Variants in CSNK2A3 observed in about 807,000 individuals in gnomAD.
CSNK2A3 encodes casein kinase 2 alpha 3, also known as casein kinase II subunit alpha 3.
In CSNK2A3, 31 loss-of-function variants were observed where a neutral mutation model predicts 36.5. That is an observed-to-expected ratio of 0.85 (90% CI 0.64 to 1.15). CSNK2A3 has a LOEUF of 1.15. CSNK2A3 is among the 50% of genes most tolerant of loss of function. The pLI, the probability that CSNK2A3 is intolerant of heterozygous loss-of-function variation, is 0.00. For missense variants in CSNK2A3, 443 were observed against 487.2 expected (o/e 0.91, Z 0.85); for synonymous variants, 152 against 176.3 (o/e 0.86, Z 1.09).
In CSNK2A3 at chr11:11,352,421, G is replaced by C. The variant is rs767821892; in HGVS notation, c.699C>G (p.Phe233Leu). 1 of 1,613,896 alleles carries C rather than the reference G, an allele frequency of 6.2e-7. No homozygotes were observed. ...ASMIFRKEPFFHGRDNYDQLV... is the reference protein window; with the variant it reads ...ASMIFRKEPFLHGRDNYDQLV... ...ACTGATCATAATTGTCACGTCCATG[G>C]AAAAATGGCTCCTTCCGAAAGATCA... The change falls in exon 1 of 1, where the codon TTC becomes TTG. Residue 233 changes from phenylalanine (F) to leucine (L), a missense_variant. Physicochemically the swap from Phe to Leu is conservative, Grantham distance 22. Coordinates refer to ENST00000528848, the MANE Select transcript of CSNK2A3 (RefSeq NM_001256686.2).
chr11:11,352,943 G>T lies in CSNK2A3; in HGVS notation c.177C>A (p.Ile59=). Reference sequence around the variant, plus strand: ...TAACAACAACTTTTTCATTATTTGTGATGTTGATGGCTTCAAATACTTCAC... The same window carrying T: ...TAACAACAACTTTTTCATTATTTGTTATGTTGATGGCTTCAAATACTTCAC... ...KYSEVFEAIN[I]TNNEKVVVKI... The change falls in exon 1 of 1, where the codon ATC becomes ATA. Residue 59 remains isoleucine, a synonymous_variant. Transcript: ENST00000528848. The T allele has an allele frequency of 6.2e-7, 1 of 1,614,042 alleles. No homozygotes were observed. Among genetic ancestry groups the T allele is most frequent in the Non-Finnish European group, 8.5e-7 (1 of 1,180,022 alleles).
Position 11,352,885 on chromosome 11 carries a change from T to C in CSNK2A3, c.235A>G (p.Lys79Glu). 6.2e-7 allele frequency: 1 copy of C among 1,614,188 alleles called. No homozygotes were observed. The highest frequency in any genetic ancestry group is 8.5e-7 in the Non-Finnish European group (1 of 1,180,028). The change falls in exon 1 of 1, where the codon AAG becomes GAG. Residue 79 changes from lysine (K) to glutamate (E), a missense_variant. Transcript: ENST00000528848. The part of the protein sequence containing the change: ...ILKPVKKKKI[K>E]REIKILENLR... ...TTCTCCAAAATCTTTATTTCACGCT[T>C]AATTTTCTTCTTTTTTACTGGCTTG...
Position 11,353,204 on chromosome 11 carries a change from C to A in CSNK2A3, c.-85G>T, listed in dbSNP as rs1337897662. On this transcript the variant is annotated 5_prime_UTR_variant, in exon 1 of 1. In the 5' UTR this introduces an upstream ATG that the reference lacks. Coordinates refer to ENST00000528848, the MANE Select transcript of CSNK2A3 (RefSeq NM_001256686.2). ...TTCAGAAGCAGCTTGGGGGTAAGAC[C>A]TTGTTTCAGACCTGTTTTCTTCACA... 13 of 1,544,646 alleles carry A rather than the reference C, an allele frequency of 8.4e-6. No individual in the cohort carries two copies. The South Asian group carries it at 1.5e-4, about 18-fold the overall frequency.
In CSNK2A3 at chr11:11,352,980, C is replaced by G. The variant is rs777486408; in HGVS notation, c.140G>C (p.Arg47Pro). The change falls in exon 1 of 1, where the codon CGA (arginine) becomes CCA (proline). Residue 47 changes from arginine to proline, a missense_variant. Transcript: ENST00000528848. ...TTCAAATACTTCACTGTATTTACCT[C>G]GGCCTAATTTTCGAACCAGCTGGTA... is the stretch of plus-strand genomic sequence containing the variant. The part of the protein sequence containing the change: ...DDYQLVRKLG[R>P]GKYSEVFEAI... 4.3e-6 allele frequency: 7 copies of G among 1,614,164 alleles called. No homozygotes were observed. In the South Asian group the frequency reaches 7.7e-5, roughly 18 times the overall value.
rs1850417292 is a variant in CSNK2A3 at position 11,352,027 on chromosome 11, C to T, written c.1093G>A (p.Gly365Arg). Residue 365 changes from glycine (G) to arginine (R), a missense_variant, in exon 1 of 1, where the codon GGA becomes AGA. By Grantham distance (125) the Gly-to-Arg change is moderately radical (BLOSUM62 -2). Transcript: ENST00000528848. Reference protein sequence around the residue: ...ISSVPTPSPLGPLAGSPVIAA... With the variant: ...ISSVPTPSPLRPLAGSPVIAA... ...ATCACTGGTGAGCCTGCCAGAGGTC[C>T]AAGGGGTGAAGGAGTTGGCACTGAA... 1 of 1,613,612 alleles carries T rather than the reference C, an allele frequency of 6.2e-7. No homozygotes were observed.
In CSNK2A3 at chr11:11,353,204, C is replaced by T; in HGVS notation, c.-85G>A. 1 of 1,544,648 alleles carries T rather than the reference C, an allele frequency of 6.5e-7. No homozygotes were observed. The highest frequency in any genetic ancestry group is 1.4e-5 in the African/African-American group (1 of 73,666). ...TTCAGAAGCAGCTTGGGGGTAAGAC[C>T]TTGTTTCAGACCTGTTTTCTTCACA... On this transcript the variant is annotated 5_prime_UTR_variant, in exon 1 of 1. Transcript: ENST00000528848.
chr11:11,353,195 G>A lies in CSNK2A3; in HGVS notation c.-76C>T, dbSNP rs1240100291. On this transcript the variant is annotated 5_prime_UTR_variant, in exon 1 of 1. Transcript: ENST00000528848. The stretch of plus-strand genomic sequence containing the variant: ...GTCACTGTGTTCAGAAGCAGCTTGG[G>A]GGTAAGACCTTGTTTCAGACCTGTT... 3 of 1,582,178 alleles carry A rather than the reference G, an allele frequency of 1.9e-6. No homozygotes were observed. Among genetic ancestry groups the A allele is most frequent in the Non-Finnish European group, 2.6e-6 (3 of 1,154,074 alleles).
At position 11,353,154 on chromosome 11, in the gene CSNK2A3, G is replaced by A; in HGVS notation, c.-35C>T. The A allele has an allele frequency of 1.2e-6, 2 of 1,610,734 alleles. No individual in the cohort carries two copies. The highest frequency in any genetic ancestry group is 2.2e-5 in the South Asian group (2 of 90,954). ...GTTGGCGGACAAAGCTGGACTTGAT[G>A]TTTGGAGATCTGGCAGTCACTGTGT... On this transcript the variant is annotated 5_prime_UTR_variant, in exon 1 of 1. Coordinates refer to ENST00000528848, the MANE Select transcript of CSNK2A3 (RefSeq NM_001256686.2).
Position 11,352,126 on chromosome 11 carries a change from C to T in CSNK2A3, c.994G>A (p.Ala332Thr), listed in dbSNP as rs1475640881. 2 of 1,613,532 alleles carry T rather than the reference C, an allele frequency of 1.2e-6. No individual in the cohort carries two copies. Among genetic ancestry groups the T allele is most frequent in the South Asian group, 2.2e-5 (2 of 91,014 alleles). ...GGCATGCTAGATGAACCCATTCGAG[C>T]CTGGTCCTTCACAACAGTGTAGAAA... ...PYFYTVVKDQ[A>T]RMGSSSMPGG... The change falls in exon 1 of 1, where the codon GCT becomes ACT. Residue 332 changes from alanine (A) to threonine (T), a missense_variant. Transcript: ENST00000528848.
chr11:11,353,139 A>G lies in CSNK2A3; in HGVS notation c.-20T>C, dbSNP rs2133069766. On this transcript the variant is annotated 5_prime_UTR_variant, in exon 1 of 1. Transcript: ENST00000528848. ...CGACATGTCAGACAGGTTGGCGGAC[A>G]AAGCTGGACTTGATGTTTGGAGATC... 6.2e-7 allele frequency: 1 copy of G among 1,613,504 alleles called. No homozygotes were observed. Among genetic ancestry groups the G allele is most frequent in the East Asian group, 2.2e-5 (1 of 44,840 alleles).
In CSNK2A3 at chr11:11,352,132, C is replaced by T; in HGVS notation, c.988G>A (p.Asp330Asn). Residue 330 changes from aspartate to asparagine, a missense_variant, in exon 1 of 1, where the codon GAC becomes AAC. By Grantham distance (23) the Asp-to-Asn change is conservative. Transcript: ENST00000528848. ...EHPYFYTVVK[D>N]QARMGSSSMP... is the part of the protein sequence containing the mutation. ...CTAGATGAACCCATTCGAGCCTGGTCCTTCACAACAGTGTAGAAATAGGGG... is the reference window on the plus strand; with the variant it reads ...CTAGATGAACCCATTCGAGCCTGGTTCTTCACAACAGTGTAGAAATAGGGG... 6.2e-7 allele frequency: 1 copy of T among 1,613,500 alleles called. No individual in the cohort carries two copies. The highest frequency in any genetic ancestry group is 8.5e-7 in the Non-Finnish European group (1 of 1,179,962).
rs771531618 is a variant in CSNK2A3, at chr11:11,352,809, G to C, written c.311C>G (p.Pro104Arg). The C allele has an allele frequency of 6.2e-7, 1 of 1,614,184 alleles. No homozygotes were observed. The highest frequency in any genetic ancestry group is 1.7e-5 in the Admixed American group (1 of 60,020). Reference sequence around the variant, plus strand: ...AACCAAGGCGGGGGTTCGTGACACAGGGTCTTTTACAATGTCTGCCAGTGT... The same window carrying C: ...AACCAAGGCGGGGGTTCGTGACACACGGTCTTTTACAATGTCTGCCAGTGT... Reference protein sequence around the residue: ...IITLADIVKDPVSRTPALVFE... With the variant: ...IITLADIVKDRVSRTPALVFE... Residue 104 changes from proline (P) to arginine (R), a missense_variant, in exon 1 of 1, where the codon CCT becomes CGT. Physicochemically the swap from Pro to Arg is moderately radical, Grantham distance 103 (BLOSUM62 -2). Coordinates refer to ENST00000528848, the MANE Select transcript of CSNK2A3 (RefSeq NM_001256686.2).
rs878934200 is a variant in CSNK2A3, at chr11:11,353,242, C to T, written c.-123G>A. 69 of 1,250,370 alleles carry T rather than the reference C, an allele frequency of 5.5e-5. 2 individuals carry two copies. The South Asian group carries it at 6.3e-4, about 12-fold the overall frequency. 77.5% of individuals were successfully genotyped at this position (1,250,370 alleles called of 1,614,324 possible). On this transcript the variant is annotated 5_prime_UTR_variant, in exon 1 of 1. Transcript: ENST00000528848. ...TGTTTTCTTCACACTGTGGTGGAAGCGGCAGCGGCTGTGGCCGCTCTCCCT... is the reference window on the plus strand; with the variant it reads ...TGTTTTCTTCACACTGTGGTGGAAGTGGCAGCGGCTGTGGCCGCTCTCCCT...
In CSNK2A3 at chr11:11,352,072, T is replaced by A. The variant is rs1211148592; in HGVS notation, c.1048A>T (p.Asn350Tyr). Residue 350 changes from asparagine (N) to tyrosine (Y), a missense_variant, in exon 1 of 1, where the codon AAT becomes TAT. Coordinates refer to ENST00000528848, the MANE Select transcript of CSNK2A3 (RefSeq NM_001256686.2). ...PGGSTPVSSA[N>Y]VMSGISSVPT... ...ACTGAAGAAATCCCTGACATCACAT[T>A]GGCGCTGCTGACGGGCGTACTGCCC... 2.5e-6 allele frequency: 4 copies of A among 1,613,518 alleles called. No individual in the cohort carries two copies. The African/African-American group carries it at 5.4e-5, about 22-fold the overall frequency.
At chr11:11,352,753 G>A in the CSNK2A3 span, 8 of 1,614,010 alleles carry the variant, frequency 5.0e-6, no homozygotes, top group Admixed American at 6.7e-5. Flanking sequence ...TGGTACAATT[G>A]CTTGAAGTCT....
chr11:11,352,987 AT>A, the CSNK2A3 span: 1 of 1,614,052 alleles, frequency 6.2e-7, no homozygotes, highest in East Asian at 2.2e-5. Flanking sequence ...CCTCGGCCTA[AT>A]TTTCGAACCA....
Position 11,352,652 on chromosome 11 carries a change from A to G in CSNK2A3, c.468T>C (p.Asp156=). The G allele has an allele frequency of 1.2e-6, 2 of 1,614,178 alleles. No individual in the cohort carries two copies. Among genetic ancestry groups the G allele is most frequent in the Middle Eastern group, 1.6e-4 (1 of 6,062 alleles). ...YCHSMGIMHR[D]VKPHNVMIDH... ...CAATCATGACATTATGGGGCTTGAC[A>G]TCTCTGTGCATAATTCCCATGCTGT... is the stretch of plus-strand genomic sequence containing the variant. The change falls in exon 1 of 1, where the codon GAT becomes GAC. Residue 156 remains aspartate (D), a synonymous_variant. Transcript: ENST00000528848.
chr11:11,352,002 A>G lies in CSNK2A3; in HGVS notation c.1118T>C (p.Ile373Thr), dbSNP rs765051502. ...PLGPLAGSPV[I>T]AAANPLGMPV... ...CATCCCAAGGGGGTTGGCAGCAGCAATCACTGGTGAGCCTGCCAGAGGTCC... is the reference window on the plus strand; with the variant it reads ...CATCCCAAGGGGGTTGGCAGCAGCAGTCACTGGTGAGCCTGCCAGAGGTCC... The change falls in exon 1 of 1, where the codon ATT (isoleucine) becomes ACT (threonine). Residue 373 changes from isoleucine to threonine, a missense_variant. Ile to Thr is a moderately conservative substitution (Grantham distance 89, BLOSUM62 -1). Transcript: ENST00000528848. 50 of 1,612,742 alleles carry G rather than the reference A, an allele frequency of 3.1e-5. No individual in the cohort carries two copies. The highest frequency in any genetic ancestry group is 4.1e-5 in the Non-Finnish European group (48 of 1,179,564).
rs760748458 is a variant in CSNK2A3 at position 11,352,504 on chromosome 11, A to T, written c.616T>A (p.Tyr206Asn). The T allele has an allele frequency of 1.7e-5, 28 of 1,614,086 alleles. No homozygotes were observed. In the South Asian group the frequency reaches 3.0e-4, roughly 17 times the overall value. Residue 206 changes from tyrosine to asparagine, a missense_variant, in exon 1 of 1, where the codon TAT (tyrosine) becomes AAT (asparagine). Tyr to Asn is a moderately radical substitution (Grantham distance 143). Transcript: ENST00000528848. The stretch of plus-strand genomic sequence containing the variant: ...TCCAAACTATAATCGTACATCTGAT[A>T]GTCTACAAGTAGCTCAGGACCTTTG... ...YFKGPELLVD[Y>N]QMYDYSLDMW... is the part of the protein sequence containing the mutation.
Sources: allele counts gnomAD v4.1 joint callset, GRCh38; gene constraint gnomAD v4.1.1; transcripts MANE v1.5; gene names NCBI Gene and HGNC (gene_info 2026-07-23, HGNC 2026-07-21).